SAE1: variants seen among roughly 807,000 people sequenced by gnomAD.
The protein encoded by SAE1 is SUMO-activating enzyme subunit 1.
Under a neutral mutation model 40.6 loss-of-function variants are expected in SAE1, and 11 were observed. The observed-to-expected ratio is 0.27, with a 90% CI of 0.17 to 0.45. The LOEUF (loss-of-function observed/expected upper bound fraction) is 0.45. SAE1 is among the 20% of genes least tolerant of loss of function. SAE1 has a pLI of 1.00. For synonymous variants in SAE1, 155 were observed against 154.3 expected (o/e 1.00, Z -0.03); for missense variants, 373 against 427.3 (o/e 0.87, Z 1.12).
At chr19:47,192,104 ACCAAAGC>A (rs1220131410) in intron 6 of SAE1, among the ~76,000 whole-genome samples, 4 of 151,966 alleles carry the variant, frequency 2.6e-5, no homozygotes, top group African/African-American at 7.2e-5. Context: ...CTTTGGGAGC[ACCAAAGC>A]CCAAAGCGTT....
At chr19:47,182,464 AGTGTGTGTGTGTGT>A (rs113149127) in intron 6 of SAE1, among the ~76,000 whole-genome samples, 23 of 144,456 alleles carry the variant, frequency 1.6e-4, no homozygotes, top group Admixed American at 9.7e-4. Flanking sequence ...AAAAAAGCGT[AGTGTGTGTGTGTGT>A]GTGTGTGTGT....
chr19:47,197,670 T>C (rs947828408), intron 7 of SAE1, among the ~76,000 whole-genome samples: 1 of 152,216 alleles, frequency 6.6e-6, no homozygotes, highest in Non-Finnish European at 1.5e-5. Context: ...GTGATCTTGT[T>C]ATCTCTTGGG....
intron 5 of SAE1, among the ~76,000 whole-genome samples, chr19:47,165,054 G>A (rs950017450): frequency 2.0e-5 from 3 of 149,252 alleles, no homozygotes; most frequent in African/African-American, 7.4e-5. Context: ...CAAAGTGCTG[G>A]GATTACAGGC....
intron 5 of SAE1, among the ~76,000 whole-genome samples, chr19:47,159,319 C>T (rs1390361543): frequency 2.0e-5 from 3 of 152,210 alleles, no homozygotes; most frequent in East Asian, 1.9e-4. Context: ...AAGAAACAGT[C>T]GAGTTCTTTT....
rs75562970 is a variant in SAE1, at chr19:47,185,240, A to G, written c.734-11993A>G. Among the ~76,000 whole-genome samples the G allele has an allele frequency of 3.9e-3, 599 of 152,266 alleles. 6 individuals carry two copies. Among genetic ancestry groups the G allele is most frequent in the African/African-American group, 0.014 (565 of 41,548 alleles). The stretch of plus-strand genomic sequence containing the variant: ...TTCCATTCTGTCAATATGTCTTTAT[A>G]TGTGGTACAGACTGAGTGTCTAAAT... On this transcript the variant is annotated intron_variant, in intron 6 of 8. Coordinates refer to ENST00000270225, the MANE Select transcript of SAE1 (RefSeq NM_005500.3).
chr19:47,152,069 G>A (rs1289428441), intron 3 of SAE1, among the ~76,000 whole-genome samples: 1 of 152,190 alleles, frequency 6.6e-6, no homozygotes, highest in Non-Finnish European at 1.5e-5. Context: ...TGTTATTTCG[G>A]TATTCAGGCT....
Position 47,130,872 on chromosome 19 carries a change from G to C in SAE1, c.-59G>C. On this transcript the variant is annotated 5_prime_UTR_variant, in exon 1 of 9. Coordinates refer to ENST00000270225, the MANE Select transcript of SAE1 (RefSeq NM_005500.3). Reference sequence around the variant, plus strand: ...CTGCCGGCGGCGGTAGGTGGCGCGCGGGTCCGGCGGGCGGTTGGCTTGAGC... The same window carrying C: ...CTGCCGGCGGCGGTAGGTGGCGCGCCGGTCCGGCGGGCGGTTGGCTTGAGC... 1 of 1,544,758 alleles carries C rather than the reference G, an allele frequency of 6.5e-7. No homozygotes were observed.
Position 47,160,388 on chromosome 19 carries a change from ATTTTTTT to A in SAE1, c.627+5193_627+5199del, listed in dbSNP as rs34266912. ...AGGTGCGCGCCACCACGCCCAGCTA[ATTTTTTT>A]TTTTTTTTTTTTTTTTTGAGATGGA... is the stretch of plus-strand genomic sequence containing the variant. On this transcript the variant is annotated intron_variant, in intron 5 of 8. Transcript: ENST00000270225. Among the ~76,000 whole-genome samples, 38 of 75,108 alleles carry A rather than the reference ATTTTTTT, an allele frequency of 5.1e-4. 3 individuals are homozygous for A. In the South Asian group the frequency reaches 0.013, roughly 25 times the overall value. The allele number at this position is 75,108 out of a possible 152,430, so 49.3% of individuals were successfully genotyped here.
At chr19:47,190,574 C>G (rs996778412) in intron 6 of SAE1, among the ~76,000 whole-genome samples, 2 of 152,130 alleles carry the variant, frequency 1.3e-5, no homozygotes, top group Admixed American at 1.3e-4. Flanking sequence ...GACTGATTGG[C>G]CCCCTTCCCA....
At chr19:47,148,510 G>A (rs1191680251) in intron 2 of SAE1, among the ~76,000 whole-genome samples, 3 of 152,030 alleles carry the variant, frequency 2.0e-5, no homozygotes, top group East Asian at 3.9e-4. Flanking sequence ...GGCTATTAGG[G>A]GATTATATTA....
At chr19:47,195,808 T>C (rs2058610708) in intron 6 of SAE1, among the ~76,000 whole-genome samples, 2 of 144,582 alleles carry the variant, frequency 1.4e-5, no homozygotes, top group Admixed American at 1.4e-4. Context: ...AGATCTCTGC[T>C]CATGTAGCCT....
At chr19:47,178,443 A>G (rs575496437) in intron 6 of SAE1, among the ~76,000 whole-genome samples, 1 of 152,134 alleles carries the variant, frequency 6.6e-6, no homozygotes, top group Non-Finnish European at 1.5e-5. Context: ...AGGGAAGCCC[A>G]TTTCCCAGGT....
chr19:47,207,420 C>T (rs2058691993), intron 8 of SAE1, among the ~76,000 whole-genome samples: 1 of 152,080 alleles, frequency 6.6e-6, no homozygotes, highest in African/African-American at 2.4e-5. Context: ...GGACGGTGCT[C>T]CTGGGAACCG....
chr19:47,181,684 A>T (rs2058507247), intron 6 of SAE1, among the ~76,000 whole-genome samples: 1 of 148,978 alleles, frequency 6.7e-6, no homozygotes, highest in Non-Finnish European at 1.5e-5. Context: ...TCGCCATGTT[A>T]GCCAGGCTGG....
Position 47,202,177 on chromosome 19 carries a change from T to C in SAE1, c.879-1494T>C, listed in dbSNP as rs533974063. Among the ~76,000 whole-genome samples the C allele has an allele frequency of 4.6e-4, 70 of 152,318 alleles. 1 individual carries two copies. The South Asian group carries it at 0.012, about 27-fold the overall frequency. ...TCTTAAGGAATTATTTCGACGCCTG[T>C]GTCTTTGTCAAGATGTATGATTACA... On this transcript the variant is annotated intron_variant, in intron 7 of 8. Transcript: ENST00000270225.
chr19:47,193,694 G>T (rs1370618894), intron 6 of SAE1, among the ~76,000 whole-genome samples: 2 of 151,492 alleles, frequency 1.3e-5, no homozygotes, highest in East Asian at 1.9e-4. Context: ...GGGTGTGGCT[G>T]CAGGCACCTG....
In SAE1 at chr19:47,209,416, A is replaced by G. The variant is rs1158281980; in HGVS notation, c.*165A>G. Reference sequence around the variant, plus strand: ...AGGTGGTGCCGACGTGCTGCTTCCCATCACCAGCAGCTGCTCGACAAGGGG... The same window carrying G: ...AGGTGGTGCCGACGTGCTGCTTCCCGTCACCAGCAGCTGCTCGACAAGGGG... On this transcript the variant is annotated 3_prime_UTR_variant, in exon 9 of 9. Transcript: ENST00000270225. The G allele has an allele frequency of 2.5e-6, 3 of 1,221,074 alleles. No homozygotes were observed. Among genetic ancestry groups the G allele is most frequent in the African/African-American group, 3.0e-5 (2 of 66,110 alleles). 75.6% of individuals were successfully genotyped at this position (1,221,074 alleles called of 1,614,324 possible).
chr19:47,140,083 G>T (rs13313713), intron 1 of SAE1, among the ~76,000 whole-genome samples: 1 of 149,390 alleles, frequency 6.7e-6, no homozygotes, highest in Non-Finnish European at 1.5e-5. Context: ...GATTACAGGC[G>T]CCTGCCACCA....
At chr19:47,180,466 A>T (rs924203244) in intron 6 of SAE1, among the ~76,000 whole-genome samples, 1 of 152,236 alleles carries the variant, frequency 6.6e-6, no homozygotes, top group Non-Finnish European at 1.5e-5. Context: ...CAATTGTTTC[A>T]ATCAAGAATC....
Sources: allele counts gnomAD v4.1 joint callset (sites outside exome capture counted in the v4.1 genomes callset), GRCh38; gene constraint gnomAD v4.1.1; transcripts MANE v1.5; gene names NCBI Gene and HGNC (gene_info 2026-07-23, HGNC 2026-07-21).